The following MAP1S variants were observed in gnomAD, a reference collection of about 807,000 sequenced individuals.
The protein encoded by MAP1S is microtubule-associated protein 1S.
MAP1S carries 27 observed loss-of-function variants against 60.9 expected under a neutral mutation model. The ratio of observed to expected loss-of-function variants is 0.44; its 90% CI spans 0.33 to 0.61. The LOEUF (loss-of-function observed/expected upper bound fraction) is 0.61, where lower values mean the gene tolerates loss of function less well. Ranked by LOEUF, MAP1S falls within the 20% of genes least tolerant of loss-of-function variation. MAP1S has a pLI of 0.03. For synonymous variants in MAP1S, 826 were observed against 694.2 expected, an observed-to-expected ratio of 1.19 and a Z score of -2.98; for missense variants, 1,608 against 1,486.6, an observed-to-expected ratio of 1.08 and a Z score of -1.34.
In MAP1S at chr19:17,727,207, C is replaced by T. The variant is rs751919239; in HGVS notation, c.1823C>T (p.Thr608Met). 27 of 1,570,918 alleles carry T rather than the reference C, an allele frequency of 1.7e-5. No homozygotes were observed. Among genetic ancestry groups the T allele is most frequent in the Non-Finnish European group, 2.3e-5 (27 of 1,163,036 alleles). Reference sequence around the variant, plus strand: ...TCTCCGGCCTCCCAGCTGGTGGCCACGCCCAGCCTGGAGCTGGGGCCGATC... The same window carrying T: ...TCTCCGGCCTCCCAGCTGGTGGCCATGCCCAGCCTGGAGCTGGGGCCGATC... ...CGSPASQLVA[T>M]PSLELGPIPA... The change falls in exon 5 of 7, where the codon ACG becomes ATG. Residue 608 changes from threonine (T) to methionine (M), a missense_variant. This residue lies in a region of MAP1S where 1,167 missense variants were observed against 961.4 expected (regional missense o/e 1.21). Transcript: ENST00000324096. This position sits in a 1 kb window ranked among gnomAD's most constrained non-coding sequence, Gnocchi z 4.1.
rs770394257 is a variant in MAP1S, at chr19:17,726,935, A to G, written c.1551A>G (p.Lys517=). 333 of 1,570,702 alleles carry G rather than the reference A, an allele frequency of 2.1e-4. 1 individual carries two copies. The highest frequency in any genetic ancestry group is 2.7e-4 in the Non-Finnish European group (316 of 1,158,720). The change falls in exon 5 of 7, where the codon AAA becomes AAG. Residue 517 remains lysine (K), a synonymous_variant. Coordinates refer to ENST00000324096, the MANE Select transcript of MAP1S (RefSeq NM_018174.6). The part of the protein sequence containing the change: ...ARAEAPRKTE[K]EAKTPRELKK... The stretch of plus-strand genomic sequence containing the variant: ...CTGAGGCCCCACGCAAGACTGAGAA[A>G]GAAGCCAAGACCCCCCGGGAGTTGA...
Position 17,728,529 on chromosome 19 carries a change from G to C in MAP1S, c.2788+357G>C, listed in dbSNP as rs576653072. 2.0e-5 allele frequency among the ~76,000 whole-genome samples: 3 copies of C among 151,334 alleles called. No individual in the cohort carries two copies. The South Asian group carries it at 6.3e-4, about 32-fold the overall frequency. On this transcript the variant is annotated intron_variant, in intron 5 of 6. Coordinates refer to ENST00000324096, the MANE Select transcript of MAP1S (RefSeq NM_018174.6). ...CTCCCAAAGTGTTGGGATGACTGGC[G>C]TGAGCCACGGTGCCCTGCCAGTTCT...
chr19:17,722,758 AGAGAGAGAGAGG>A (rs1192460185), intron 2 of MAP1S, among the ~76,000 whole-genome samples: 1 of 123,214 alleles, frequency 8.1e-6, no homozygotes, highest in East Asian at 2.8e-4. Context: ...CAAAAAAGAG[AGAGAGAGAGAGG>A]GAGGGAGGGA....
rs1440637804 is a variant in MAP1S, at chr19:17,726,433, G to A, written c.1049G>A (p.Arg350His). 5.8e-6 allele frequency: 9 copies of A among 1,561,680 alleles called. No individual in the cohort carries two copies. In the South Asian group the frequency reaches 8.1e-5, roughly 14 times the overall value. The change falls in exon 5 of 7, where the codon CGC (arginine) becomes CAC (histidine). Residue 350 changes from arginine (R) to histidine (H), a missense_variant. Physicochemically the swap from Arg to His is conservative, Grantham distance 29 (BLOSUM62 0). Coordinates refer to ENST00000324096, the MANE Select transcript of MAP1S (RefSeq NM_018174.6). Reference sequence around the variant, plus strand: ...TGCGAGGCCGCGTCGCGGCTGGCGCGCGGCGAGGATGAGGCGGAGCTGGCG... The same window carrying A: ...TGCGAGGCCGCGTCGCGGCTGGCGCACGGCGAGGATGAGGCGGAGCTGGCG... ...NACEAASRLA[R>H]GEDEAELALS...
At chr19:17,728,728 G>C (rs886832154) in intron 5 of MAP1S, 3 of 152,160 alleles carry the variant, frequency 2.0e-5, no homozygotes, top group African/African-American at 7.2e-5. Flanking sequence ...GCTAATTTTT[G>C]TATTTTTAGT....
chr19:17,719,533 G>A lies in MAP1S; in HGVS notation c.31G>A (p.Ala11Thr). The A allele has an allele frequency of 1.6e-6, 2 of 1,246,046 alleles. No individual in the cohort carries two copies. The highest frequency in any genetic ancestry group is 2.0e-6 in the Non-Finnish European group (2 of 987,618). The allele number at this position is 1,246,046 out of a possible 1,614,324, so 77.2% of individuals were successfully genotyped here. MAAVAGSGAA[A>T]APSSLLLVVG... Reference sequence around the variant, plus strand: ...GGCGGTGGCTGGATCTGGGGCTGCCGCGGCTCCGAGCTCACTGCTCCTCGT... The same window carrying A: ...GGCGGTGGCTGGATCTGGGGCTGCCACGGCTCCGAGCTCACTGCTCCTCGT... The change falls in exon 1 of 7, where the codon GCG becomes ACG. Residue 11 changes from alanine to threonine, a missense_variant. Ala to Thr is a moderately conservative substitution (Grantham distance 58, BLOSUM62 0). Transcript: ENST00000324096.
In MAP1S at chr19:17,725,489, A is replaced by G. The variant is rs1324446980; in HGVS notation, c.444+300A>G. Among the ~76,000 whole-genome samples the G allele has an allele frequency of 6.6e-6, 1 of 152,226 alleles. No individual in the cohort carries two copies. Among genetic ancestry groups the G allele is most frequent in the Non-Finnish European group, 1.5e-5 (1 of 68,040 alleles). On this transcript the variant is annotated intron_variant, in intron 4 of 6. Coordinates refer to ENST00000324096, the MANE Select transcript of MAP1S (RefSeq NM_018174.6). This position sits in a 1 kb window ranked among gnomAD's most constrained non-coding sequence, Gnocchi z 4.2. The stretch of plus-strand genomic sequence containing the variant: ...GGTAGGACACATGGGCAAAATGGCA[A>G]ACCTCACTTTCACATTGTAGTGGGG...
At chr19:17,721,081 TG>T (rs1339049703) in intron 2 of MAP1S, 44 bp downstream of exon 2, 1 of 1,515,498 alleles carries the variant, frequency 6.6e-7, no homozygotes, top group East Asian at 2.3e-5. Flanking sequence ...TCTTGTTATT[TG>T]GGGAAGTGCC....
intron 5 of MAP1S, among the ~76,000 whole-genome samples, chr19:17,730,068 A>G (rs1484843053): frequency 6.6e-6 from 1 of 152,110 alleles, no homozygotes; most frequent in Non-Finnish European, 1.5e-5. Flanking sequence ...TCGGCCTCCC[A>G]AAGTGCTGGG....
intron 1 of MAP1S, chr19:17,720,278 G>A: frequency 7.0e-7 from 1 of 1,422,412 alleles, no homozygotes; most frequent in East Asian, 2.8e-5. Flanking sequence ...TCTGGACCTG[G>A]CGTTTCATTG....
In MAP1S at chr19:17,719,640, CCGCGGGAG is replaced by C; in HGVS notation, c.118+22_118+29del. ...AAAGAGGTCGGGCTGGCCTGGGGGCCCGCGGGAGCCCGGGAGGCGGGCCCGTTCGCGCG... is the reference window on the plus strand; with the variant it reads ...AAAGAGGTCGGGCTGGCCTGGGGGCCCCCGGGAGGCGGGCCCGTTCGCGCG... On this transcript the variant is annotated intron_variant, in intron 1 of 6. Transcript: ENST00000324096. 1.6e-6 allele frequency: 2 copies of C among 1,212,476 alleles called. No individual in the cohort carries two copies. The allele number at this position is 1,212,476 out of a possible 1,614,324, so 75.1% of individuals were successfully genotyped here.
rs1277540880 is a variant in MAP1S, at chr19:17,727,102, T to C, written c.1718T>C (p.Phe573Ser). The change falls in exon 5 of 7, where the codon TTC becomes TCC. Residue 573 changes from phenylalanine (F) to serine (S), a missense_variant. Transcript: ENST00000324096. This position sits in a 1 kb window ranked among gnomAD's most constrained non-coding sequence, Gnocchi z 4.1. ...RKAPSTSHSG[F>S]PPVANGPRSP... ...GCGCCCAGCACGTCCCACTCTGGCTTCCCGCCGGTGGCAAATGGACCCCGC... is the reference window on the plus strand; with the variant it reads ...GCGCCCAGCACGTCCCACTCTGGCTCCCCGCCGGTGGCAAATGGACCCCGC... 6.3e-7 allele frequency: 1 copy of C among 1,596,434 alleles called. No individual in the cohort carries two copies. Among genetic ancestry groups the C allele is most frequent in the Non-Finnish European group, 8.5e-7 (1 of 1,173,366 alleles).
At position 17,727,839 on chromosome 19, in the gene MAP1S, C is replaced by T. The variant is rs778320287; in HGVS notation, c.2455C>T (p.Pro819Ser). 2.5e-6 allele frequency: 4 copies of T among 1,613,508 alleles called. No homozygotes were observed. Among genetic ancestry groups the T allele is most frequent in the Non-Finnish European group, 3.4e-6 (4 of 1,179,880 alleles). ...SDEDTEGFGV[P>S]RHDPLPDPLK... ...CGAAGACACAGAGGGCTTTGGAGTC[C>T]CTCGCCACGACCCTTTGCCTGACCC... The change falls in exon 5 of 7, where the codon CCT (proline) becomes TCT (serine). Residue 819 changes from proline (P) to serine (S), a missense_variant. Around this residue, in one of 4 missense-constraint regions of MAP1S, gnomAD observed 1,167 missense variants for 961.4 expected, o/e 1.21. Transcript: ENST00000324096. The surrounding 1 kb of genome is among the most constrained non-coding windows in gnomAD (Gnocchi z 4.1).
Position 17,725,799 on chromosome 19 carries a change from G to A in MAP1S, c.445-30G>A, listed in dbSNP as rs1209613574. On this transcript the variant is annotated intron_variant, in intron 4 of 6. Coordinates refer to ENST00000324096, the MANE Select transcript of MAP1S (RefSeq NM_018174.6). This position sits in a 1 kb window ranked among gnomAD's most constrained non-coding sequence, Gnocchi z 4.2. ...CGGGCTAGGTGTTGCCTGGCTCTAGGTGGTCCCTTACCACTCCTCCTCCAT... is the reference window on the plus strand; with the variant it reads ...CGGGCTAGGTGTTGCCTGGCTCTAGATGGTCCCTTACCACTCCTCCTCCAT... 2.5e-6 allele frequency: 4 copies of A among 1,589,540 alleles called. No homozygotes were observed. In the Middle Eastern group the frequency reaches 5.1e-4, roughly 201 times the overall value.
intron 6 of MAP1S, 130 bp downstream of exon 6, chr19:17,733,558 C>T: frequency 2.8e-6 from 2 of 714,748 alleles, no homozygotes; most frequent in Middle Eastern, 3.7e-4. Flanking sequence ...GGGAGTCTCA[C>T]ATGGCTCAGC....
At chr19:17,729,971 TAATTTTAA>T (rs2080478696) in intron 5 of MAP1S, among the ~76,000 whole-genome samples, 1 of 152,140 alleles carries the variant, frequency 6.6e-6, no homozygotes, top group African/African-American at 2.4e-5. Context: ...TACGCCCAGC[TAATTTTAA>T]AATTTTTCAG....
rs749420012 is a variant in MAP1S at position 17,726,552 on chromosome 19, G to A, written c.1168G>A (p.Val390Met). The A allele has an allele frequency of 2.5e-6, 4 of 1,573,508 alleles. No homozygotes were observed. In the Admixed American group the frequency reaches 5.4e-5, roughly 21 times the overall value. The change falls in exon 5 of 7, where the codon GTG becomes ATG. Residue 390 changes from valine to methionine, a missense_variant. By Grantham distance (21) the Val-to-Met change is conservative. Around this residue, in one of 4 missense-constraint regions of MAP1S, gnomAD observed 1,167 missense variants for 961.4 expected, o/e 1.21. Coordinates refer to ENST00000324096, the MANE Select transcript of MAP1S (RefSeq NM_018174.6). ...KPTVLFEKMG[V>M]GRLDMYVLHP... is the part of the protein sequence containing the mutation. ...CACCGTGCTCTTCGAGAAGATGGGC[G>A]TGGGCCGGCTGGACATGTATGTGCT...
chr19:17,733,823 C>T (rs180835793), intron 6 of MAP1S, among the ~76,000 whole-genome samples: 13 of 152,224 alleles, frequency 8.5e-5, no homozygotes, highest in East Asian at 3.9e-4. Context: ...CCCTGCAGGG[C>T]GAGGTGCATG....
At position 17,727,323 on chromosome 19, in the gene MAP1S, C is replaced by G. The variant is rs1291790909; in HGVS notation, c.1939C>G (p.Pro647Ala). 3 of 1,591,970 alleles carry G rather than the reference C, an allele frequency of 1.9e-6. No homozygotes were observed. In the South Asian group the frequency reaches 3.4e-5, roughly 18 times the overall value. ...ACCCTCCCCTGAGTCCCACCGGAGC[C>G]CCGCAGAGGGCAGCGAGCGGCTGTC... ...RTPSPESHRSPAEGSERLSLS... is the reference protein window; with the variant it reads ...RTPSPESHRSAAEGSERLSLS... Residue 647 changes from proline to alanine, a missense_variant, in exon 5 of 7, where the codon CCC (proline) becomes GCC (alanine). Coordinates refer to ENST00000324096, the MANE Select transcript of MAP1S (RefSeq NM_018174.6). This position sits in a 1 kb window ranked among gnomAD's most constrained non-coding sequence, Gnocchi z 4.1.
Sources: allele counts gnomAD v4.1 joint callset (sites outside exome capture counted in the v4.1 genomes callset), GRCh38; gene constraint gnomAD v4.1.1; regional missense constraint gnomAD v4.1.1; non-coding constraint Gnocchi (gnomAD v3.1); transcripts MANE v1.5; gene names NCBI Gene and HGNC (gene_info 2026-07-23, HGNC 2026-07-21).